PLCG2: variants seen among roughly 807,000 people sequenced by gnomAD.
PLCG2 encodes 1-phosphatidylinositol 4,5-bisphosphate phosphodiesterase gamma-2.
Under a neutral mutation model 175.6 loss-of-function variants are expected in PLCG2, and 69 were observed. The ratio of observed to expected loss-of-function variants is 0.39; its 90% CI spans 0.32 to 0.48. PLCG2 has a LOEUF of 0.48. PLCG2 is among the 20% of genes least tolerant of loss of function. PLCG2 has a pLI of 0.91. For synonymous variants in PLCG2, 827 were observed against 624.0 expected, an observed-to-expected ratio of 1.33 and a Z score of -4.85; for missense variants, 1,798 against 1,650.9, an observed-to-expected ratio of 1.09 and a Z score of -1.54.
In PLCG2 at chr16:81,905,416, G is replaced by GC; in HGVS notation, c.1381dup (p.Arg461ProfsTer28). 6.2e-7 allele frequency: 1 copy of GC among 1,613,718 alleles called. No individual in the cohort carries two copies. Among genetic ancestry groups the GC allele is most frequent in the Non-Finnish European group, 8.5e-7 (1 of 1,179,624 alleles). Reference sequence around the variant, plus strand: ...TTTTCCCCTCAGCATAAGAAGCTGGGCCCCCGAGGCGATGTGGATGTCAAC... The same window carrying GC: ...TTTTCCCCTCAGCATAAGAAGCTGGGCCCCCCGAGGCGATGTGGATGTCAAC... On this transcript the variant is annotated frameshift_variant, in exon 15 of 33. Transcript: ENST00000564138. LOFTEE classifies it high-confidence loss of function.
chr16:81,913,241 G>A (rs893382042), intron 19 of PLCG2, among the ~76,000 whole-genome samples: 17 of 152,220 alleles, frequency 1.1e-4, no homozygotes, highest in Non-Finnish European at 2.1e-4. Flanking sequence ...CTCAGACTCC[G>A]TGTAGCCTAC....
chr16:81,815,013 C>G (rs1904480622), intron 2 of PLCG2, among the ~76,000 whole-genome samples: 1 of 152,188 alleles, frequency 6.6e-6, no homozygotes, highest in Non-Finnish European at 1.5e-5. Context: ...ACTGCTTGTT[C>G]CAGTGGCTGT....
chr16:81,799,798 T>G (rs544020353), intron 2 of PLCG2, among the ~76,000 whole-genome samples: 1 of 151,766 alleles, frequency 6.6e-6, no homozygotes, highest in Non-Finnish European at 1.5e-5. Flanking sequence ...TTTCACCGTG[T>G]TAGCCAGGAT....
intron 26 of PLCG2, among the ~76,000 whole-genome samples, chr16:81,935,001 A>C (rs969141771): frequency 6.6e-6 from 1 of 151,864 alleles, no homozygotes; most frequent in Admixed American, 6.6e-5. Flanking sequence ...GCTACAATTC[A>C]AGGTGAGATT....
intron 2 of PLCG2, among the ~76,000 whole-genome samples, chr16:81,802,298 G>A (rs1399105557): frequency 6.6e-6 from 1 of 150,594 alleles, no homozygotes; most frequent in Non-Finnish European, 1.5e-5. Context: ...ATTTTTAGTA[G>A]AGATGGGGTT....
At chr16:81,822,881 G>A (rs924945540) in intron 2 of PLCG2, among the ~76,000 whole-genome samples, 5 of 152,032 alleles carry the variant, frequency 3.3e-5, no homozygotes, top group Admixed American at 3.3e-4. Context: ...AGGCCACACG[G>A]CCACGATTGC....
At chr16:81,759,570 T>C (rs1000429024) in intron 2 of PLCG2, among the ~76,000 whole-genome samples, 5 of 152,212 alleles carry the variant, frequency 3.3e-5, no homozygotes, top group African/African-American at 1.2e-4. Context: ...TCTGCCACCG[T>C]ATCCTACTTC....
At chr16:81,820,084 T>G (rs555281691) in intron 2 of PLCG2, among the ~76,000 whole-genome samples, 1 of 152,364 alleles carries the variant, frequency 6.6e-6, no homozygotes, top group East Asian at 1.9e-4. Flanking sequence ...CTTTAAGGAT[T>G]ATGATCTTTT....
chr16:81,921,377 A>C, intron 21 of PLCG2, 108 bp downstream of exon 21: 1 of 784,466 alleles, frequency 1.3e-6, no homozygotes, highest in Non-Finnish European at 2.3e-6. Context: ...ACTTTGGAAA[A>C]CCTGGCCAAA....
At position 81,819,987 on chromosome 16, in the gene PLCG2, A is replaced by C. The variant is rs1904723462; in HGVS notation, c.193+33805A>C. On this transcript the variant is annotated intron_variant, in intron 2 of 32. Coordinates refer to ENST00000564138, the MANE Select transcript of PLCG2 (RefSeq NM_002661.5). ...TGGAAAAGATAGACAAACACAAAAG[A>C]AAAATATCTCCCATTGACTACCCTC... Among the ~76,000 whole-genome samples, 3 of 152,340 alleles carry C rather than the reference A, an allele frequency of 2.0e-5. No individual in the cohort carries two copies. The South Asian group carries it at 6.2e-4, about 32-fold the overall frequency.
At chr16:81,924,827 T>C (rs1168279024) in intron 22 of PLCG2, among the ~76,000 whole-genome samples, 1 of 152,230 alleles carries the variant, frequency 6.6e-6, no homozygotes, top group Non-Finnish European at 1.5e-5. Flanking sequence ...ATGCTTCCCC[T>C]TGGAGGCTCC....
At chr16:81,757,422 G>C (rs1011110479) in intron 2 of PLCG2, among the ~76,000 whole-genome samples, 1 of 152,114 alleles carries the variant, frequency 6.6e-6, no homozygotes, top group Non-Finnish European at 1.5e-5. Flanking sequence ...ACATTAGCCG[G>C]GCGCGGTGGC....
chr16:81,921,439 A>G, intron 21 of PLCG2, 170 bp downstream of exon 21: 1 of 665,578 alleles, frequency 1.5e-6, no homozygotes, highest in South Asian at 1.6e-5. Flanking sequence ...TATCAAGCCT[A>G]GTTTCAGGGA....
chr16:81,771,924 C>T (rs374281231), intron 2 of PLCG2, among the ~76,000 whole-genome samples: 1 of 152,116 alleles, frequency 6.6e-6, no homozygotes, highest in African/African-American at 2.4e-5. Context: ...GCTGGGACTA[C>T]AGGCTGTGCC....
At position 81,816,249 on chromosome 16, in the gene PLCG2, T is replaced by C. The variant is rs148329019; in HGVS notation, c.193+30067T>C. 8.1e-3 allele frequency among the ~76,000 whole-genome samples: 1,238 copies of C among 152,220 alleles called. 22 individuals carry two copies. Among genetic ancestry groups the C allele is most frequent in the African/African-American group, 0.028 (1,173 of 41,532 alleles). On this transcript the variant is annotated intron_variant, in intron 2 of 32. Transcript: ENST00000564138. The stretch of plus-strand genomic sequence containing the variant: ...AGCTGGGTGTGGCAGCACATGCCTG[T>C]AATCCCAGCTACTTGGGAGGCAGAG...
At chr16:81,816,532 C>G (rs1904555478) in intron 2 of PLCG2, among the ~76,000 whole-genome samples, 1 of 151,226 alleles carries the variant, frequency 6.6e-6, no homozygotes, top group Non-Finnish European at 1.5e-5. Flanking sequence ...GGTTGGAGTG[C>G]CATGGTGCAA....
upstream of PLCG2, among the ~76,000 whole-genome samples, chr16:81,777,792 G>C (rs7198003): frequency 0.84 from 127,904 of 151,608 alleles, 54,022 homozygotes; most frequent in South Asian, 0.95. Flanking sequence ...AAGGTGGGTG[G>C]ATCACTTGAG....
intron 1 of PLCG2, among the ~76,000 whole-genome samples, chr16:81,751,065 C>A (rs868251903): frequency 2.1e-4 from 32 of 149,770 alleles, no homozygotes; most frequent in African/African-American, 6.9e-4. Flanking sequence ...ACTACAACCT[C>A]CACCTCCAGG....
chr16:81,817,136 T>G (rs955297984), intron 2 of PLCG2, among the ~76,000 whole-genome samples: 3 of 152,162 alleles, frequency 2.0e-5, no homozygotes, highest in African/African-American at 7.2e-5. Context: ...GCCCTCTCTT[T>G]ACAAGCGAAG....
Sources: gnomAD v4.1 joint callset for allele counts (sites outside exome capture counted in the v4.1 genomes callset) on GRCh38, gnomAD v4.1.1 for gene constraint, MANE v1.5 for transcripts, NCBI Gene and HGNC (gene_info 2026-07-23, HGNC 2026-07-21) for gene names.